The following ITGB8 variants were observed in gnomAD, a reference collection of about 807,000 sequenced individuals.
The protein encoded by ITGB8 is integrin subunit beta 8.
A neutral mutation model predicts 89.5 loss-of-function variants in ITGB8; 30 were observed. That is an observed-to-expected ratio of 0.34 (90% CI 0.25 to 0.45). ITGB8 has a LOEUF of 0.45. ITGB8 is among the 20% of genes least tolerant of loss of function. The pLI, the probability that ITGB8 is intolerant of heterozygous loss-of-function variation, is 1.00. For synonymous variants in ITGB8, 335 were observed against 320.4 expected (o/e 1.05, Z -0.49); for missense variants, 836 against 933.3 (o/e 0.90, Z 1.36).
At chr7:20,335,506 G>T (rs1784544245) in intron 1 of ITGB8, among the ~76,000 whole-genome samples, 1 of 144,116 alleles carries the variant, frequency 6.9e-6, no homozygotes. Flanking sequence ...TAAAGTTTCA[G>T]TTTCAAGGAT....
intron 8 of ITGB8, 87 bp from the exon 9 acceptor site, chr7:20,398,773 C>G: frequency 2.1e-6 from 2 of 954,146 alleles, no homozygotes; most frequent in Non-Finnish European, 2.9e-6. Context: ...AAAATTAAAT[C>G]TATAATGATT....
chr7:20,356,592 G>C (rs1785302908), intron 1 of ITGB8, among the ~76,000 whole-genome samples: 1 of 152,002 alleles, frequency 6.6e-6, no homozygotes, highest in Admixed American at 6.5e-5. Context: ...AATGCAATTG[G>C]GAAAGGGATA....
chr7:20,370,774 C>G, intron 3 of ITGB8, among the ~76,000 whole-genome samples: 1 of 152,080 alleles, frequency 6.6e-6, no homozygotes, highest in East Asian at 1.9e-4. Context: ...CCATGCCTGG[C>G]AAATTTGTTT....
chr7:20,403,174 A>G lies in ITGB8; in HGVS notation c.1687+1048A>G, dbSNP rs73683477. 5.9e-3 allele frequency among the ~76,000 whole-genome samples: 897 copies of G among 152,348 alleles called. 10 individuals carry two copies. The highest frequency in any genetic ancestry group is 0.02 in the African/African-American group (835 of 41,584). ...TGTAACATACATAGAATATCTTAAT[A>G]TACAAACATTTATTCAACTGTAACT... is the stretch of plus-strand genomic sequence containing the variant. On this transcript the variant is annotated intron_variant, in intron 10 of 13. Coordinates refer to ENST00000222573, the MANE Select transcript of ITGB8 (RefSeq NM_002214.3).
chr7:20,339,386 C>A (rs1163414094), intron 1 of ITGB8, among the ~76,000 whole-genome samples: 2 of 151,946 alleles, frequency 1.3e-5, no homozygotes, highest in Non-Finnish European at 2.9e-5. Flanking sequence ...TTAATGTGAC[C>A]TTATTTCCTC....
At position 20,332,536 on chromosome 7, in the gene ITGB8, A is replaced by G. The variant is rs759785644; in HGVS notation, c.127+603A>G. Reference sequence around the variant, plus strand: ...TCTAATTGATCCCTCACTGAGATCAATCTCTGAGACAGAGAAGCAGAAAGA... The same window carrying G: ...TCTAATTGATCCCTCACTGAGATCAGTCTCTGAGACAGAGAAGCAGAAAGA... On this transcript the variant is annotated intron_variant, in intron 1 of 13. Transcript: ENST00000222573. Among the ~76,000 whole-genome samples the G allele has an allele frequency of 1.2e-4, 19 of 152,156 alleles. No individual in the cohort carries two copies. In the East Asian group the frequency reaches 1.9e-3, roughly 15 times the overall value.
rs1184585184 is a variant in ITGB8, at chr7:20,331,536, G to C, written c.-271G>C. 4.5e-6 allele frequency: 2 copies of C among 440,396 alleles called. No individual in the cohort carries two copies. Among genetic ancestry groups the C allele is most frequent in the Non-Finnish European group, 7.9e-6 (2 of 254,006 alleles). The allele number at this position is 440,396 out of a possible 1,614,324, so 27.3% of individuals were successfully genotyped here. ...CAGAGCCCTCTCTCCAGTCGCCGCC[G>C]GGGCCCTTGGCCGTCGAAGGAGGTG... On this transcript the variant is annotated 5_prime_UTR_variant, in exon 1 of 14. Coordinates refer to ENST00000222573, the MANE Select transcript of ITGB8 (RefSeq NM_002214.3).
chr7:20,370,600 T>TTTA (rs67123203), intron 3 of ITGB8, among the ~76,000 whole-genome samples: 2,242 of 144,320 alleles, frequency 0.016, 48 homozygotes, highest in African/African-American at 0.052. Flanking sequence ...TATTTACTTA[T>TTTA]TTATTATTAT....
chr7:20,403,005 T>G (rs739752), intron 10 of ITGB8, among the ~76,000 whole-genome samples: 107,061 of 152,038 alleles, frequency 0.7, 38,013 homozygotes, highest in Middle Eastern at 0.84. Flanking sequence ...AAATAAATAT[T>G]TGTTAAATTA....
At chr7:20,382,679 C>T (rs1786447286) in intron 6 of ITGB8, among the ~76,000 whole-genome samples, 1 of 152,114 alleles carries the variant, frequency 6.6e-6, no homozygotes, top group African/African-American at 2.4e-5. Flanking sequence ...CCTAATAGTT[C>T]TGTTTTTTTA....
chr7:20,411,778 T>C lies in ITGB8; in HGVS notation c.*1781T>C, dbSNP rs1787770337. ...ATCAGCTTCTTAAGAGACTGAAGTA[T>C]GGCATACCTACAGGGGAATTCCTTC... On this transcript the variant is annotated 3_prime_UTR_variant, in exon 14 of 14. Transcript: ENST00000222573. The C allele has an allele frequency of 6.6e-6, 1 of 152,308 alleles. No individual in the cohort carries two copies. The highest frequency in any genetic ancestry group is 1.5e-5 in the Non-Finnish European group (1 of 68,024). 9.4% of individuals were successfully genotyped at this position (152,308 alleles called of 1,614,324 possible). A position where few individuals can be genotyped will look rare whatever the true frequency, so the allele number is the denominator to read the frequency against.
chr7:20,367,030 T>C lies in ITGB8; in HGVS notation c.232T>C (p.Ser78Pro), dbSNP rs199664019. The C allele has an allele frequency of 1.2e-5, 19 of 1,610,542 alleles. No homozygotes were observed. The African/African-American group carries it at 2.4e-4, about 20-fold the overall frequency. The change falls in exon 3 of 14, where the codon TCA becomes CCA. Residue 78 changes from serine to proline, a missense_variant. Coordinates refer to ENST00000222573, the MANE Select transcript of ITGB8 (RefSeq NM_002214.3). Reference sequence around the variant, plus strand: ...TAAACAGGATTTCATTTCAGGTGGATCAAGAAGTGAACGTTGTGATATTGT... The same window carrying C: ...TAAACAGGATTTCATTTCAGGTGGACCAAGAAGTGAACGTTGTGATATTGT... ...CVQEDFISGG[S>P]RSERCDIVSN... is the part of the protein sequence containing the mutation.
At chr7:20,404,895 C>A in intron 11 of ITGB8, 42 bp downstream of exon 11, 1 of 1,552,946 alleles carries the variant, frequency 6.4e-7, no homozygotes, top group Non-Finnish European at 8.9e-7. Flanking sequence ...AGAATAGCTA[C>A]TTTTGTCCTT....
At chr7:20,365,928 A>G (rs866101095) in intron 2 of ITGB8, 8 of 151,458 alleles carry the variant, frequency 5.3e-5, no homozygotes, top group African/African-American at 1.9e-4. Context: ...TAGGTTAGAT[A>G]AATGGTAACA....
At chr7:20,348,466 G>A (rs1785001207) in intron 1 of ITGB8, among the ~76,000 whole-genome samples, 1 of 152,172 alleles carries the variant, frequency 6.6e-6, no homozygotes, top group African/African-American at 2.4e-5. Flanking sequence ...GGCTCCTCTT[G>A]AATTTGTTAT....
chr7:20,355,023 C>G (rs546200236), intron 1 of ITGB8, among the ~76,000 whole-genome samples: 1 of 152,324 alleles, frequency 6.6e-6, no homozygotes, highest in Non-Finnish European at 1.5e-5. Context: ...TTTTATAGGG[C>G]TGGTGCACCC....
chr7:20,405,460 G>A (rs1293546082), intron 11 of ITGB8, among the ~76,000 whole-genome samples: 5 of 149,182 alleles, frequency 3.4e-5, no homozygotes, highest in African/African-American at 9.9e-5. Flanking sequence ...ACAGGTGCCC[G>A]CCACCACGCC....
At chr7:20,363,219 A>T (rs996074252) in intron 1 of ITGB8, among the ~76,000 whole-genome samples, 1 of 152,214 alleles carries the variant, frequency 6.6e-6, no homozygotes, top group African/African-American at 2.4e-5. Flanking sequence ...ATTTATGTCT[A>T]TAAACAATAA....
At chr7:20,355,992 T>C (rs1434204214) in intron 1 of ITGB8, among the ~76,000 whole-genome samples, 1 of 152,232 alleles carries the variant, frequency 6.6e-6, no homozygotes, top group Non-Finnish European at 1.5e-5. Context: ...TCCCCCTGTT[T>C]TGAGGGATCA....
Sources: gnomAD v4.1 joint callset for allele counts (sites outside exome capture counted in the v4.1 genomes callset) on GRCh38, gnomAD v4.1.1 for gene constraint, MANE v1.5 for transcripts, NCBI Gene and HGNC (gene_info 2026-07-23, HGNC 2026-07-21) for gene names.